The following NAF1 variants were observed in gnomAD, a reference collection of about 807,000 sequenced individuals.
The protein encoded by NAF1 is nuclear assembly factor 1 ribonucleoprotein, also known as H/ACA ribonucleoprotein complex non-core subunit NAF1.
NAF1 carries 11 observed loss-of-function variants against 40.6 expected under a neutral mutation model. The observed-to-expected ratio is 0.27, with a 90% CI of 0.17 to 0.45. The LOEUF (loss-of-function observed/expected upper bound fraction) is 0.45, where lower values mean the gene tolerates loss of function less well. NAF1 is among the 20% of genes least tolerant of loss of function. The probability of loss-of-function intolerance (pLI) is 1.00; values close to 1 mark genes in which losing one functional copy is unlikely to be tolerated. For synonymous variants in NAF1, 260 were observed against 228.5 expected (o/e 1.14, Z -1.24); for missense variants, 607 against 611.1 (o/e 0.99, Z 0.07).
intron 6 of NAF1, among the ~76,000 whole-genome samples, chr4:163,136,912 T>C (rs1260994576): frequency 6.6e-6 from 1 of 152,120 alleles, no homozygotes; most frequent in Non-Finnish European, 1.5e-5. Context: ...ATCAACAAAG[T>C]TGACAAAAAT....
chr4:163,147,765 T>C (rs1731530355), intron 3 of NAF1, among the ~76,000 whole-genome samples: 1 of 152,056 alleles, frequency 6.6e-6, no homozygotes. Context: ...GTAAACTCAA[T>C]CTAAAAAGTC....
At chr4:163,130,166 GT>G (rs1260551701) in intron 7 of NAF1, among the ~76,000 whole-genome samples, 1 of 152,136 alleles carries the variant, frequency 6.6e-6, no homozygotes. Context: ...CCATGGTCTT[GT>G]AATATAATAC....
intron 2 of NAF1, among the ~76,000 whole-genome samples, chr4:163,153,597 C>T (rs1215238272): frequency 6.6e-6 from 1 of 152,172 alleles, no homozygotes; most frequent in Non-Finnish European, 1.5e-5. Flanking sequence ...TATCTAGCTG[C>T]TCTGGTGGGG....
chr4:163,116,155 T>G (rs76437475), intron 2 of NAF1, among the ~76,000 whole-genome samples: 2 of 152,146 alleles, frequency 1.3e-5, no homozygotes, highest in Non-Finnish European at 2.9e-5. Context: ...TTGATTGATA[T>G]TGAGTTAATG....
In NAF1 at chr4:163,166,877, G is replaced by C; in HGVS notation, c.-150C>G. On this transcript the variant is annotated 5_prime_UTR_variant, in exon 1 of 8. Coordinates refer to ENST00000274054, the MANE Select transcript of NAF1 (RefSeq NM_138386.3). The stretch of plus-strand genomic sequence containing the variant: ...GTTTCTCAGGTAACTACACGCGGAG[G>C]AGCCAAAAGACACGCCCCCGCCATT... The C allele has an allele frequency of 9.4e-7, 1 of 1,060,404 alleles. No homozygotes were observed. The highest frequency in any genetic ancestry group is 3.0e-5 in the Admixed American group (1 of 33,022). The allele number at this position is 1,060,404 out of a possible 1,614,324, so 65.7% of individuals were successfully genotyped here.
chr4:163,120,984 C>T lies in NAF1; in HGVS notation c.115-10694G>A, dbSNP rs149726611. Among the ~76,000 whole-genome samples the T allele has an allele frequency of 1.3e-3, 193 of 152,186 alleles. 1 individual carries two copies. The highest frequency in any genetic ancestry group is 4.1e-3 in the African/African-American group (171 of 41,516). On this transcript the variant is annotated intron_variant, in intron 2 of 2. Coordinates refer to the NAF1 transcript ENST00000509434. ...TAGGCTCACTGCAACCTCCGCCTCTCGGGTTCAAGCAATTCTCCTGCCTCA... is the reference window on the plus strand; with the variant it reads ...TAGGCTCACTGCAACCTCCGCCTCTTGGGTTCAAGCAATTCTCCTGCCTCA...
chr4:163,160,418 T>C (rs905188531), intron 2 of NAF1, among the ~76,000 whole-genome samples: 7 of 152,174 alleles, frequency 4.6e-5, no homozygotes, highest in Non-Finnish European at 7.3e-5. Context: ...GATTTGGTTA[T>C]AACCTAATTT....
At chr4:163,109,586 G>C (rs192665286), downstream of NAF1, among the ~76,000 whole-genome samples, 270 of 152,174 alleles carry the variant, frequency 1.8e-3, 1 homozygote, top group Middle Eastern at 3.4e-3. Context: ...TTTTCTATTA[G>C]TTAGTGAATT....
intron 2 of NAF1, 103 bp downstream of exon 2, chr4:163,164,114 A>G: frequency 1.5e-6 from 2 of 1,322,398 alleles, no homozygotes; most frequent in Non-Finnish European, 1.9e-6. Flanking sequence ...GCTGAGAATA[A>G]ATTTCAAATT....
intron 3 of NAF1, among the ~76,000 whole-genome samples, chr4:163,146,434 C>A (rs958004477): frequency 6.6e-6 from 1 of 152,152 alleles, no homozygotes; most frequent in African/African-American, 2.4e-5. Context: ...ATCTCCAGTT[C>A]TTTTAAATGA....
At chr4:163,143,148 T>C (rs992733080) in intron 4 of NAF1, among the ~76,000 whole-genome samples, 1 of 152,136 alleles carries the variant, frequency 6.6e-6, no homozygotes, top group Non-Finnish European at 1.5e-5. Flanking sequence ...GCTTTATACT[T>C]GCCCTGTCAT....
downstream of NAF1, among the ~76,000 whole-genome samples, chr4:163,107,937 G>C (rs1560772309): frequency 6.6e-6 from 1 of 152,186 alleles, no homozygotes; most frequent in Non-Finnish European, 1.5e-5. Context: ...CCCCTTGGGG[G>C]CGATATTGCC....
intron 3 of NAF1, 63 bp from the exon 4 acceptor site, chr4:163,145,927 A>AT: frequency 1.1e-6 from 1 of 874,676 alleles, no homozygotes; most frequent in Non-Finnish European, 1.8e-6. Context: ...TTTAATGAAA[A>AT]TCTAAGCTTT....
chr4:163,132,740 A>G (rs1473471150), intron 7 of NAF1, among the ~76,000 whole-genome samples: 1 of 152,254 alleles, frequency 6.6e-6, no homozygotes, highest in Non-Finnish European at 1.5e-5. Flanking sequence ...AAGGGCATAC[A>G]GCACCTCTCC....
At chr4:163,131,203 A>ATATC (rs1730861633) in intron 7 of NAF1, among the ~76,000 whole-genome samples, 2 of 152,172 alleles carry the variant, frequency 1.3e-5, no homozygotes, top group African/African-American at 4.8e-5. Flanking sequence ...GACTTCTTAG[A>ATATC]TAGGACATCA....
chr4:163,140,369 A>C lies in NAF1; in HGVS notation c.732T>G (p.Phe244Leu). The change falls in exon 5 of 8, where the codon TTT becomes TTG. Residue 244 changes from phenylalanine (F) to leucine (L), a missense_variant. Phe to Leu is a conservative substitution (Grantham distance 22). Around this residue, in one of 3 missense-constraint regions of NAF1, gnomAD observed 407 missense variants for 365.5 expected, o/e 1.11. Coordinates refer to ENST00000274054, the MANE Select transcript of NAF1 (RefSeq NM_138386.3). ...CATAAAATGGATGTGCAACAGGTCC[A>C]AATATCTCGAATATCTGTAATAGAA... is the stretch of plus-strand genomic sequence containing the variant. The part of the protein sequence containing the change: ...RQAAGKIFEI[F>L]GPVAHPFYVL... The C allele has an allele frequency of 6.2e-7, 1 of 1,603,904 alleles. No individual in the cohort carries two copies. The highest frequency in any genetic ancestry group is 8.5e-7 in the Non-Finnish European group (1 of 1,176,884).
chr4:163,119,852 A>G (rs1260754684), intron 2 of NAF1: 1 of 152,260 alleles, frequency 6.6e-6, no homozygotes, highest in South Asian at 2.1e-4. Context: ...ATTTGAATGA[A>G]TAAAATTAAT....
chr4:163,166,359 C>T lies in NAF1; in HGVS notation c.365+4G>A, dbSNP rs1208078686. Reference sequence around the variant, plus strand: ...CACAGCTCCGGGTCCCTTAGGCACCCGACCTGTCCGAGTCCGAATCCGAGT... The same window carrying T: ...CACAGCTCCGGGTCCCTTAGGCACCTGACCTGTCCGAGTCCGAATCCGAGT... On this transcript the variant is annotated splice_donor_region_variant and intron_variant, in intron 1 of 7. Transcript: ENST00000274054. 1 of 1,588,492 alleles carries T rather than the reference C, an allele frequency of 6.3e-7. No homozygotes were observed.
chr4:163,136,993 T>C (rs1650613045), intron 6 of NAF1, among the ~76,000 whole-genome samples: 1 of 152,206 alleles, frequency 6.6e-6, no homozygotes, highest in South Asian at 2.1e-4. Context: ...AAAAAGTTTT[T>C]TTCCTAAATG....
Sources: allele counts gnomAD v4.1 joint callset (sites outside exome capture counted in the v4.1 genomes callset), GRCh38; gene constraint gnomAD v4.1.1; regional missense constraint gnomAD v4.1.1; transcripts MANE v1.5; gene names NCBI Gene and HGNC (gene_info 2026-07-23, HGNC 2026-07-21).